ANKRD36: variants seen among roughly 807,000 people sequenced by gnomAD.
ANKRD36 encodes the protein ankyrin repeat domain-containing protein 36A.
Under a neutral mutation model 278.1 loss-of-function variants are expected in ANKRD36, and 179 were observed. The observed-to-expected ratio is 0.64, with a 90% confidence interval of 0.57 to 0.73. The LOEUF (loss-of-function observed/expected upper bound fraction) is 0.73. ANKRD36 is among the 30% of genes least tolerant of loss of function. The pLI is 0.00. For synonymous variants in ANKRD36, 320 were observed against 641.1 expected (o/e 0.50, Z 7.57); for missense variants, 1,159 against 1,956.7 (o/e 0.59, Z 7.69).
intron 17 of ANKRD36, among the ~76,000 whole-genome samples, chr2:97,159,838 A>C (rs1398591265): frequency 4.3e-5 from 5 of 115,852 alleles, no homozygotes; most frequent in Non-Finnish European, 9.2e-5. Flanking sequence ...GCTGGAGGGC[A>C]GTGGGCGATC....
At chr2:97,224,542 C>T (rs549088937) in intron 66 of ANKRD36, among the ~76,000 whole-genome samples, 152 of 151,834 alleles carry the variant, frequency 1.0e-3, no homozygotes, top group Middle Eastern at 3.4e-3. Context: ...CTCCACTTCC[C>T]GGGCTCACGC....
At position 97,207,710 on chromosome 2, in the gene ANKRD36, T is replaced by C; in HGVS notation, c.3164-101T>C. ...TAGAAGCCATCAAAGCCTACGCTAA[T>C]ACAGGCAGGAGGACAGAGGTTGATG... On this transcript the variant is annotated intron_variant, in intron 52 of 75. Transcript: ENST00000420699. 3 of 1,519,192 alleles carry C rather than the reference T, an allele frequency of 2.0e-6. 1 individual carries two copies. The highest frequency in any genetic ancestry group is 3.9e-5 in the Admixed American group (2 of 50,662). The allele number at this position is 1,519,192 out of a possible 1,614,324, so 94.1% of individuals were successfully genotyped here. A position where few individuals can be genotyped will look rare whatever the true frequency, so the allele number is the denominator to read the frequency against.
rs199673875 is a variant in ANKRD36 at position 97,263,580 on chromosome 2, CTT to C, written c.*7-746_*7-745del. On this transcript the variant is annotated intron_variant, in intron 75 of 75. Transcript: ENST00000420699. ...AAATTTTTTTCCATCTGTGGTTTCT[CTT>C]TTCTTTCAGTGTCTTTAATGGTGTA... is the stretch of plus-strand genomic sequence containing the variant. Among the ~76,000 whole-genome samples, 37 of 8,666 alleles carry C rather than the reference CTT, an allele frequency of 4.3e-3. No individual in the cohort carries two copies. In the African/African-American group the frequency reaches 0.055, roughly 13 times the overall value. 5.7% of individuals were successfully genotyped at this position (8,666 alleles called of 152,430 possible).
rs767768752 is a variant in ANKRD36, at chr2:97,215,438, A to G, written c.3614A>G (p.Lys1205Arg). The G allele has an allele frequency of 1.1e-5, 18 of 1,586,518 alleles. No homozygotes were observed. In the South Asian group the frequency reaches 2.0e-4, roughly 17 times the overall value. Residue 1205 changes from lysine (K) to arginine (R), a missense_variant, in exon 62 of 76, where the codon AAG (lysine) becomes AGG (arginine). Transcript: ENST00000420699. Reference sequence around the variant, plus strand: ...AATCCCATTCAGGCTACAAGTGTCAAGAAAGATTCTGTTTCGAATATAGCC... The same window carrying G: ...AATCCCATTCAGGCTACAAGTGTCAGGAAAGATTCTGTTTCGAATATAGCC... ...KQPAWKATSV[K>R]KDSVSNIATE...
chr2:97,193,115 T>G, intron 38 of ANKRD36, 62 bp downstream of exon 38: 3 of 1,414,066 alleles, frequency 2.1e-6, no homozygotes, highest in Non-Finnish European at 2.9e-6. Context: ...TTCTCTTCCC[T>G]GAATAAATCA....
chr2:97,183,576 A>T lies in ANKRD36; in HGVS notation c.1867-6A>T. The T allele has an allele frequency of 6.4e-7, 1 of 1,554,734 alleles. No individual in the cohort carries two copies. The highest frequency in any genetic ancestry group is 8.7e-7 in the Non-Finnish European group (1 of 1,149,860). On this transcript the variant is annotated splice_region_variant and splice_polypyrimidine_tract_variant and intron_variant, in intron 27 of 75. Transcript: ENST00000420699. Reference sequence around the variant, plus strand: ...TATTGACTATTTTGTTTCTCTTTCCATTCAGGTTATATTTAAAAAGAAAGT... The same window carrying T: ...TATTGACTATTTTGTTTCTCTTTCCTTTCAGGTTATATTTAAAAAGAAAGT...
intron 22 of ANKRD36, among the ~76,000 whole-genome samples, chr2:97,177,525 A>G (rs931414034): frequency 2.0e-5 from 3 of 152,002 alleles, no homozygotes; most frequent in East Asian, 3.9e-4. Context: ...ATAATGCTGC[A>G]TATCTACAGC....
At chr2:97,136,524 G>A (rs1019836026) in intron 6 of ANKRD36, among the ~76,000 whole-genome samples, 40 of 151,900 alleles carry the variant, frequency 2.6e-4, no homozygotes, top group Non-Finnish European at 2.4e-4. Context: ...TGCTGTGGGG[G>A]AATAGCCTTG....
intron 67 of ANKRD36, among the ~76,000 whole-genome samples, chr2:97,228,970 G>A (rs574202834): frequency 2.0e-5 from 3 of 152,198 alleles, no homozygotes; most frequent in East Asian, 2.0e-4. Context: ...TTAATCCTGA[G>A]TTCTAGTTTG....
intron 44 of ANKRD36, 45 bp downstream of exon 44, chr2:97,198,703 T>G: frequency 6.6e-7 from 1 of 1,505,496 alleles, no homozygotes; most frequent in East Asian, 2.5e-5. Context: ...TGCAGATAGA[T>G]AAGAAGTTCT....
intron 66 of ANKRD36, among the ~76,000 whole-genome samples, chr2:97,223,759 ATACT>A (rs1470937255): frequency 2.8e-4 from 32 of 115,762 alleles, no homozygotes; most frequent in Admixed American, 5.7e-4. Flanking sequence ...ATCAGCTTTG[ATACT>A]TACTCTCTCA....
chr2:97,152,678 A>G lies in ANKRD36; in HGVS notation c.1193+144A>G, dbSNP rs2046377438. Reference sequence around the variant, plus strand: ...ATCATGTCACACAACTTTAGAAACTATTTGTGCTGTTATTGCTTTTTTACT... The same window carrying G: ...ATCATGTCACACAACTTTAGAAACTGTTTGTGCTGTTATTGCTTTTTTACT... On this transcript the variant is annotated intron_variant, in intron 14 of 75. Coordinates refer to ENST00000420699, the MANE Select transcript of ANKRD36 (RefSeq NM_001354587.1). 3 of 775,484 alleles carry G rather than the reference A, an allele frequency of 3.9e-6. No individual in the cohort carries two copies. In the Admixed American group the frequency reaches 1.2e-4, roughly 30 times the overall value. The allele number at this position is 775,484 out of a possible 1,614,324, so 48.0% of individuals were successfully genotyped here. A position where few individuals can be genotyped will look rare whatever the true frequency, so the allele number is the denominator to read the frequency against.
chr2:97,113,708 C>G lies in ANKRD36; in HGVS notation c.-32C>G, dbSNP rs765498151. On this transcript the variant is annotated 5_prime_UTR_variant, in exon 1 of 76. Coordinates refer to ENST00000420699, the MANE Select transcript of ANKRD36 (RefSeq NM_001354587.1). The stretch of plus-strand genomic sequence containing the variant: ...CGATCCCCGAAGGCGAGCTGAAATA[C>G]GGCTGCAGGCTACAATTTGCAGCCG... 1.2e-6 allele frequency: 2 copies of G among 1,610,552 alleles called. No homozygotes were observed. Among genetic ancestry groups the G allele is most frequent in the Admixed American group, 3.4e-5 (2 of 59,638 alleles).
chr2:97,166,832 G>A (rs550176507), intron 20 of ANKRD36, among the ~76,000 whole-genome samples: 2 of 152,414 alleles, frequency 1.3e-5, no homozygotes, highest in South Asian at 4.1e-4. Context: ...ACTGACTGTG[G>A]AAGCAAAACA....
rs777590990 is a variant in ANKRD36, at chr2:97,183,440, T to C, written c.1838-19T>C. The C allele has an allele frequency of 3.2e-6, 5 of 1,549,854 alleles. No individual in the cohort carries two copies. In the South Asian group the frequency reaches 6.0e-5, roughly 19 times the overall value. On this transcript the variant is annotated intron_variant, in intron 26 of 75. Transcript: ENST00000420699. ...TCATATTTACATATGATGGATTATA[T>C]ATTTCTTTTACTTTTCAGTGTCTCC...
chr2:97,229,344 A>C (rs1230290637), intron 67 of ANKRD36, among the ~76,000 whole-genome samples: 4 of 151,964 alleles, frequency 2.6e-5, no homozygotes, highest in South Asian at 2.1e-4. Flanking sequence ...ATATATATTT[A>C]GGATAGTTAG....
At chr2:97,177,365 G>A (rs201959521) in intron 22 of ANKRD36, among the ~76,000 whole-genome samples, 4 of 151,836 alleles carry the variant, frequency 2.6e-5, no homozygotes, top group South Asian at 4.2e-4. Flanking sequence ...AGCCCACATC[G>A]CCAAGTCAAT....
At chr2:97,191,230 G>C (rs1447847173) in intron 36 of ANKRD36, 49 bp downstream of exon 36, 1 of 1,505,910 alleles carries the variant, frequency 6.6e-7, no homozygotes. Flanking sequence ...AGATAGATAA[G>C]AATTTCTCTT....
chr2:97,256,607 G>A (rs2153701315), intron 75 of ANKRD36, among the ~76,000 whole-genome samples: 1 of 143,400 alleles, frequency 7.0e-6, no homozygotes. Context: ...CCTTTTTCTA[G>A]TTAGTCTAGA....
Sources: allele counts gnomAD v4.1 joint callset (sites outside exome capture counted in the v4.1 genomes callset), GRCh38; gene constraint gnomAD v4.1.1; transcripts MANE v1.5; gene names NCBI Gene and HGNC (gene_info 2026-07-23, HGNC 2026-07-21).